The following TESPA1 variants were observed in gnomAD, a reference collection of about 807,000 sequenced individuals.
TESPA1 encodes the protein thymocyte expressed, positive selection associated 1.
Under a neutral mutation model 57.9 loss-of-function variants are expected in TESPA1, and 33 were observed. That is an observed-to-expected ratio of 0.57 (90% CI 0.43 to 0.76). The LOEUF is 0.76. Ranked by LOEUF, TESPA1 falls within the 30% of genes least tolerant of loss-of-function variation. The probability of loss-of-function intolerance (pLI) is 0.00; values close to 1 mark genes in which losing one functional copy is unlikely to be tolerated. For missense variants in TESPA1, 618 were observed against 632.9 expected, an observed-to-expected ratio of 0.98 and a Z score of 0.25; for synonymous variants, 227 against 228.9, an observed-to-expected ratio of 0.99 and a Z score of 0.07.
rs142581361 is a variant in TESPA1, at chr12:54,976,746, A to G, written c.-45-2139T>C. Among the ~76,000 whole-genome samples, 115 of 152,320 alleles carry G rather than the reference A, an allele frequency of 7.5e-4. No individual in the cohort carries two copies. The East Asian group carries it at 0.018, about 23-fold the overall frequency. On this transcript the variant is annotated intron_variant, in intron 1 of 10. Coordinates refer to ENST00000449076, the MANE Select transcript of TESPA1 (RefSeq NM_001136030.3). ...TTTATGTCAAGCCCCTATACTGCCTAGCACAATTCCAGAATCTCACTAACT... is the reference window on the plus strand; with the variant it reads ...TTTATGTCAAGCCCCTATACTGCCTGGCACAATTCCAGAATCTCACTAACT...
intron 1 of TESPA1, among the ~76,000 whole-genome samples, chr12:54,976,441 A>C (rs1952139263): frequency 1.3e-5 from 2 of 152,124 alleles, no homozygotes; most frequent in South Asian, 4.1e-4. Context: ...GGGAATCTTC[A>C]GCTCACAGAA....
intron 10 of TESPA1, among the ~76,000 whole-genome samples, chr12:54,951,372 A>G (rs1234552440): frequency 6.6e-6 from 1 of 152,006 alleles, no homozygotes; most frequent in African/African-American, 2.4e-5. Flanking sequence ...CTGTGGAACC[A>G]TGAGCCAATT....
At chr12:54,969,021 G>GTA (rs56901356) in intron 3 of TESPA1, among the ~76,000 whole-genome samples, 4,252 of 83,582 alleles carry the variant, frequency 0.051, 129 homozygotes, top group Non-Finnish European at 0.063. Context: ...ATTTATATAT[G>GTA]TATATATATA....
intron 1 of TESPA1, among the ~76,000 whole-genome samples, chr12:54,982,712 G>T (rs1037775501): frequency 6.6e-6 from 1 of 152,226 alleles, no homozygotes; most frequent in Non-Finnish European, 1.5e-5. Context: ...TCAAGAGAAA[G>T]TAGGGAGAAT....
intron 1 of TESPA1, among the ~76,000 whole-genome samples, chr12:54,981,204 G>T (rs1412792413): frequency 1.3e-5 from 2 of 152,132 alleles, no homozygotes; most frequent in Non-Finnish European, 2.9e-5. Flanking sequence ...ATAAGTGATA[G>T]ATATGATTAT....
chr12:54,980,026 C>T (rs1293593905), intron 1 of TESPA1, among the ~76,000 whole-genome samples: 1 of 152,144 alleles, frequency 6.6e-6, no homozygotes, highest in East Asian at 1.9e-4. Context: ...AAGGCCACAT[C>T]CCTGTAGTGC....
In TESPA1 at chr12:54,962,889, C is replaced by G; in HGVS notation, c.1009G>C (p.Gly337Arg). 1 of 1,613,666 alleles carries G rather than the reference C, an allele frequency of 6.2e-7. No homozygotes were observed. Among genetic ancestry groups the G allele is most frequent in the South Asian group, 1.1e-5 (1 of 91,060 alleles). ...KQFLQQDSDL[G>R]QFSQEDPVPP... The stretch of plus-strand genomic sequence containing the variant: ...ACAGGATCTTCCTGTGAGAATTGCC[C>G]CAAATCAGAGTCTTGCTGGAGGAAC... The change falls in exon 9 of 11, where the codon GGG becomes CGG. Residue 337 changes from glycine (G) to arginine (R), a missense_variant. Transcript: ENST00000449076.
Position 54,963,233 on chromosome 12 carries a change from T to C in TESPA1, c.665A>G (p.Lys222Arg), listed in dbSNP as rs780852900. Residue 222 changes from lysine to arginine, a missense_variant, in exon 9 of 11, where the codon AAG becomes AGG. Lys to Arg is a conservative substitution (Grantham distance 26). Coordinates refer to ENST00000449076, the MANE Select transcript of TESPA1 (RefSeq NM_001136030.3). ...DPCLMLASRFKQVQTLAVTAD... is the reference protein window; with the variant it reads ...DPCLMLASRFRQVQTLAVTAD... ...AGTGACAGCCAGTGTTTGCACCTGCTTAAACCTGCCTGGGTACAAGAGTTA... is the reference window on the plus strand; with the variant it reads ...AGTGACAGCCAGTGTTTGCACCTGCCTAAACCTGCCTGGGTACAAGAGTTA... 26 of 1,611,362 alleles carry C rather than the reference T, an allele frequency of 1.6e-5. No homozygotes were observed. Among genetic ancestry groups the C allele is most frequent in the Non-Finnish European group, 2.0e-5 (24 of 1,178,836 alleles).
chr12:54,980,458 A>G (rs148639708), intron 1 of TESPA1, among the ~76,000 whole-genome samples: 1 of 152,336 alleles, frequency 6.6e-6, no homozygotes, highest in East Asian at 1.9e-4. Context: ...TTGTTGTGGC[A>G]TTCAGAATAT....
At chr12:54,963,305 C>T in intron 8 of TESPA1, 63 bp from the exon 9 acceptor site, 6 of 1,465,896 alleles carry the variant, frequency 4.1e-6, no homozygotes, top group Non-Finnish European at 4.6e-6. Flanking sequence ...TAAATCTCTC[C>T]CTTCAGGAGG....
At chr12:54,977,794 C>T (rs1952187015) in intron 1 of TESPA1, among the ~76,000 whole-genome samples, 3 of 152,122 alleles carry the variant, frequency 2.0e-5, no homozygotes, top group African/African-American at 7.2e-5. Flanking sequence ...TAGATCTAAG[C>T]TAATCTTCAC....
intron 5 of TESPA1, 40 bp downstream of exon 5, chr12:54,967,143 C>G (rs1165763834): frequency 5.6e-6 from 9 of 1,609,514 alleles, no homozygotes; most frequent in Non-Finnish European, 7.6e-6. Flanking sequence ...AATGTATATC[C>G]TGTTTTCTCA....
Position 54,963,783 on chromosome 12 carries a change from A to G in TESPA1, c.614T>C (p.Val205Ala). The G allele has an allele frequency of 1.2e-6, 2 of 1,613,856 alleles. No individual in the cohort carries two copies. Among genetic ancestry groups the G allele is most frequent in the Non-Finnish European group, 1.7e-6 (2 of 1,179,866 alleles). The change falls in exon 8 of 11, where the codon GTG becomes GCG. Residue 205 changes from valine (V) to alanine (A), a missense_variant. This residue lies in a region of TESPA1 where 409 missense variants were observed against 420.1 expected (regional missense o/e 0.97). Transcript: ENST00000449076. The stretch of plus-strand genomic sequence containing the variant: ...GGGGTCTTCCATTTCAATCCTCCGC[A>G]CCTGGGACTTCAGGAAGAGCTGGAA... ...IDFQLFLKSQ[V>A]RRIEMEDPCL...
intron 7 of TESPA1, among the ~76,000 whole-genome samples, chr12:54,964,359 G>A (rs967152599): frequency 2.6e-5 from 4 of 152,206 alleles, no homozygotes; most frequent in African/African-American, 9.7e-5. Context: ...ACTAAGCAAT[G>A]AATATGTAAG....
In TESPA1 at chr12:54,962,732, G is replaced by T. The variant is rs781152899; in HGVS notation, c.1166C>A (p.Pro389His). The change falls in exon 9 of 11, where the codon CCC becomes CAC. Residue 389 changes from proline (P) to histidine (H), a missense_variant. Transcript: ENST00000449076. ...TATGGGCAGAGAATGTGTGCAACAG[G>T]GTACCTTGGGGTTCGAATCCAGAGT... ...SQTLDSNPKVPCCTHSLPIED... is the reference protein window; with the variant it reads ...SQTLDSNPKVHCCTHSLPIED... The T allele has an allele frequency of 2.5e-6, 4 of 1,613,770 alleles. No homozygotes were observed. Among genetic ancestry groups the T allele is most frequent in the Non-Finnish European group, 3.4e-6 (4 of 1,179,894 alleles).
At chr12:54,976,788 G>A (rs907653802) in intron 1 of TESPA1, among the ~76,000 whole-genome samples, 1 of 152,110 alleles carries the variant, frequency 6.6e-6, no homozygotes, top group Non-Finnish European at 1.5e-5. Context: ...GAGGTGGGGG[G>A]TTTCAACGTC....
intron 3 of TESPA1, among the ~76,000 whole-genome samples, chr12:54,968,219 G>A (rs1951574473): frequency 6.6e-6 from 1 of 152,116 alleles, no homozygotes; most frequent in Non-Finnish European, 1.5e-5. Flanking sequence ...AAGCAAAACG[G>A]GAGAATTACA....
intron 1 of TESPA1, 64 bp from the exon 2 acceptor site, chr12:54,974,671 G>T: frequency 8.0e-7 from 1 of 1,253,436 alleles, no homozygotes; most frequent in Non-Finnish European, 1.0e-6. Context: ...GATGCTCAGG[G>T]TTGCCCCCTG....
At chr12:54,974,338 G>T in intron 2 of TESPA1, 62 bp downstream of exon 2, 7 of 1,454,820 alleles carry the variant, frequency 4.8e-6, no homozygotes, top group Non-Finnish European at 5.5e-6. Flanking sequence ...CTGCAGACCT[G>T]GGCCTGCTGT....
Sources: gnomAD v4.1 joint callset for allele counts (sites outside exome capture counted in the v4.1 genomes callset) on GRCh38, gnomAD v4.1.1 for gene constraint, gnomAD v4.1.1 regional missense constraint, MANE v1.5 for transcripts, NCBI Gene and HGNC (gene_info 2026-07-23, HGNC 2026-07-21) for gene names.